Variants in SLAMF7 observed in about 807,000 individuals in gnomAD.
SLAMF7 encodes 19A24 protein.
SLAMF7 carries 26 observed loss-of-function variants against 34.1 expected under a neutral mutation model. The ratio of observed to expected loss-of-function variants is 0.76; its 90% CI spans 0.56 to 1.06. SLAMF7 has a LOEUF of 1.06. Ranked by LOEUF, SLAMF7 falls within the 50% of genes least tolerant of loss-of-function variation. The pLI is 0.00. For synonymous variants in SLAMF7, 171 were observed against 156.4 expected (o/e 1.09, Z -0.70); for missense variants, 399 against 402.5 (o/e 0.99, Z 0.07).
At position 160,750,365 on chromosome 1, in the gene SLAMF7, G is replaced by T. The variant is rs1241843558; in HGVS notation, c.711G>T (p.Leu237=). The change falls in exon 4 of 7, where the codon CTG becomes CTT. Residue 237 remains leucine (L), a synonymous_variant. Coordinates refer to ENST00000368043, the MANE Select transcript of SLAMF7 (RefSeq NM_021181.5). ...TGTGTCTCCTGTTGGTGCCCCTCCT[G>T]CTCAGTCTCTTTGTACTGGGGCTAT... The part of the protein sequence containing the change: ...VLLCLLLVPL[L]LSLFVLGLFL... The T allele has an allele frequency of 2.5e-6, 4 of 1,613,950 alleles. No homozygotes were observed. Among genetic ancestry groups the T allele is most frequent in the Non-Finnish European group, 2.5e-6 (3 of 1,179,966 alleles).
chr1:160,748,255 C>T lies in SLAMF7; in HGVS notation c.117C>T (p.Phe39=). Residue 39 remains phenylalanine (F), a synonymous_variant, in exon 2 of 7, where the codon TTC becomes TTT. Coordinates refer to ENST00000368043, the MANE Select transcript of SLAMF7 (RefSeq NM_021181.5). ...GTTCCGTTGGTGGGGCCGTGACTTTCCCCCTGAAGTCCAAAGTAAAGCAAG... is the reference window on the plus strand; with the variant it reads ...GTTCCGTTGGTGGGGCCGTGACTTTTCCCCTGAAGTCCAAAGTAAAGCAAG... The part of the protein sequence containing the change: ...LVGSVGGAVT[F]PLKSKVKQVD... 1 of 1,614,068 alleles carries T rather than the reference C, an allele frequency of 6.2e-7. No individual in the cohort carries two copies. Among genetic ancestry groups the T allele is most frequent in the Non-Finnish European group, 8.5e-7 (1 of 1,179,966 alleles).
At chr1:160,748,788 C>A (rs1664330705) in intron 2 of SLAMF7, among the ~76,000 whole-genome samples, 3 of 152,146 alleles carry the variant, frequency 2.0e-5, no homozygotes, top group Admixed American at 6.5e-5. Context: ...AGTCACATGA[C>A]CTTAGCCGAG....
At chr1:160,751,532 T>G (rs1664585254) in intron 5 of SLAMF7, 84 bp downstream of exon 5, 2 of 1,114,296 alleles carry the variant, frequency 1.8e-6, no homozygotes, top group East Asian at 2.4e-5. Context: ...TTGGACAACA[T>G]GGGAATGAAG....
chr1:160,750,597 T>C (rs1664491824), intron 4 of SLAMF7, 174 bp downstream of exon 4: 1 of 710,210 alleles, frequency 1.4e-6, no homozygotes, highest in Non-Finnish European at 2.3e-6. Context: ...TGCTCCTTAG[T>C]TCTGGAGTAG....
upstream of SLAMF7, chr1:160,739,227 C>T: frequency 7.6e-7 from 1 of 1,312,806 alleles, no homozygotes; most frequent in Non-Finnish European, 1.1e-6. Flanking sequence ...CTTTAAATAT[C>T]AGCTGGGGAA....
At chr1:160,744,592 C>T (rs903593644) in intron 1 of SLAMF7, among the ~76,000 whole-genome samples, 14 of 152,122 alleles carry the variant, frequency 9.2e-5, no homozygotes, top group African/African-American at 3.1e-4. Flanking sequence ...TGTGTGGAAG[C>T]GTGAAAAGAG....
chr1:160,750,209 CA>C, intron 3 of SLAMF7, 94 bp from the exon 4 acceptor site: 1 of 1,578,502 alleles, frequency 6.3e-7, no homozygotes, highest in African/African-American at 1.4e-5. Context: ...GGGTGGTCAC[CA>C]GGCTGGGAGG....
chr1:160,745,791 AGG>A (rs1316393709), intron 1 of SLAMF7, among the ~76,000 whole-genome samples: 1 of 152,210 alleles, frequency 6.6e-6, no homozygotes, highest in Admixed American at 6.5e-5. Context: ...CTTGTGTAAA[AGG>A]GTCAAAATGC....
chr1:160,750,965 G>A (rs1020984185), intron 4 of SLAMF7: 4 of 262,366 alleles, frequency 1.5e-5, no homozygotes, highest in African/African-American at 2.2e-5. Context: ...AAACCCTGCT[G>A]ATTGGTCTTC....
chr1:160,748,284 ACT>A lies in SLAMF7; in HGVS notation c.149_150del (p.Ser50TyrfsTer27). ...CTGAAGTCCAAAGTAAAGCAAGTTG[ACT>A]CTATTGTCTGGACCTTCAACACAAC... On this transcript the variant is annotated frameshift_variant, in exon 2 of 7. Coordinates refer to ENST00000368043, the MANE Select transcript of SLAMF7 (RefSeq NM_021181.5). LOFTEE classifies it high-confidence loss of function. The A allele has an allele frequency of 6.2e-7, 1 of 1,613,786 alleles. No individual in the cohort carries two copies. Among genetic ancestry groups the A allele is most frequent in the Non-Finnish European group, 8.5e-7 (1 of 1,179,908 alleles).
chr1:160,739,470 C>G (rs1019713816), intron 1 of SLAMF7, 114 bp downstream of exon 1: 15 of 843,344 alleles, frequency 1.8e-5, no homozygotes, highest in African/African-American at 5.2e-5. Flanking sequence ...GTGTTCTCAT[C>G]TAACATTTGC....
At chr1:160,748,731 G>C (rs1031620168) in intron 2 of SLAMF7, among the ~76,000 whole-genome samples, 2 of 152,218 alleles carry the variant, frequency 1.3e-5, no homozygotes, top group South Asian at 4.1e-4. Flanking sequence ...GCTGATATGT[G>C]CAGTGGCCAT....
intron 1 of SLAMF7, chr1:160,739,682 T>A: frequency 4.0e-6 from 1 of 252,178 alleles, no homozygotes. Context: ...TTCCTGGGCC[T>A]CAGAAACTTT....
chr1:160,751,397 A>G lies in SLAMF7; in HGVS notation c.822A>G (p.Ile274Met). Residue 274 changes from isoleucine (I) to methionine (M), a missense_variant, in exon 5 of 7, where the codon ATA becomes ATG. Physicochemically the swap from Ile to Met is conservative, Grantham distance 10. Transcript: ENST00000368043. ...RVDICRETPN[I>M]CPHSGENTEY... ...ACATTTGTCGGGAAACTCCTAACAT[A>G]TGCCCCCATTCTGGAGAGAACACAG... is the stretch of plus-strand genomic sequence containing the variant. 6.2e-7 allele frequency: 1 copy of G among 1,613,948 alleles called. No individual in the cohort carries two copies. The highest frequency in any genetic ancestry group is 8.5e-7 in the Non-Finnish European group (1 of 1,179,898).
At chr1:160,744,475 T>G (rs114556785) in intron 1 of SLAMF7, among the ~76,000 whole-genome samples, 1,741 of 152,342 alleles carry the variant, frequency 0.011, 26 homozygotes, top group African/African-American at 0.04. Context: ...TTGCCCTGTC[T>G]CACTCTCAAA....
At chr1:160,740,616 G>A (rs1482874423) in intron 1 of SLAMF7, among the ~76,000 whole-genome samples, 1 of 152,132 alleles carries the variant, frequency 6.6e-6, no homozygotes, top group Non-Finnish European at 1.5e-5. Context: ...ATTATTGTAG[G>A]CAAATTACTC....
Position 160,751,643 on chromosome 1 carries a change from G to A in SLAMF7, c.873+195G>A, listed in dbSNP as rs1017434818. 8 of 535,200 alleles carry A rather than the reference G, an allele frequency of 1.5e-5. No individual in the cohort carries two copies. The African/African-American group carries it at 1.5e-4, about 10-fold the overall frequency. 33.2% of individuals were successfully genotyped at this position (535,200 alleles called of 1,614,324 possible). A position where few individuals can be genotyped will look rare whatever the true frequency, so the allele number is the denominator to read the frequency against. On this transcript the variant is annotated intron_variant, in intron 5 of 6. Coordinates refer to ENST00000368043, the MANE Select transcript of SLAMF7 (RefSeq NM_021181.5). ...GCAGAAGAAGCTGGTGGTCTCTGGAGCACCTGGTTCTGACTCACAATGCTC... is the reference window on the plus strand; with the variant it reads ...GCAGAAGAAGCTGGTGGTCTCTGGAACACCTGGTTCTGACTCACAATGCTC...
At chr1:160,742,237 C>T (rs937493085) in intron 1 of SLAMF7, among the ~76,000 whole-genome samples, 1 of 152,110 alleles carries the variant, frequency 6.6e-6, no homozygotes, top group African/African-American at 2.4e-5. Flanking sequence ...TTATCCCTTC[C>T]TGTTACAGAG....
intron 5 of SLAMF7, chr1:160,751,840 CTCTCTCTCTCTCTCTCTCTCTCTATATA>C (rs1418695718): frequency 1.7e-5 from 1 of 59,556 alleles, no homozygotes; most frequent in Non-Finnish European, 3.2e-5. Flanking sequence ...CTCTCTCTCT[CTCTCTCTCTCTCTCTCTCTCTCTATATA>C]TATATATATA....
Sources: allele counts gnomAD v4.1 joint callset (sites outside exome capture counted in the v4.1 genomes callset), GRCh38; gene constraint gnomAD v4.1.1; transcripts MANE v1.5; gene names NCBI Gene and HGNC (gene_info 2026-07-23, HGNC 2026-07-21).